The following ZNF804B variants were observed in gnomAD, a reference collection of about 807,000 sequenced individuals.
The protein encoded by ZNF804B is zinc finger 804B.
Under a neutral mutation model 101.4 loss-of-function variants are expected in ZNF804B, and 80 were observed. That is an observed-to-expected ratio of 0.79 (90% CI 0.66 to 0.95). The LOEUF is 0.95. ZNF804B is among the 40% of genes least tolerant of loss of function. ZNF804B has a pLI of 0.00. For missense variants in ZNF804B, 1,673 were observed against 1,561.9 expected (o/e 1.07, Z -1.20); for synonymous variants, 622 against 558.8 (o/e 1.11, Z -1.59).
At chr7:88,993,015 C>G (rs1438130215) in intron 1 of ZNF804B, among the ~76,000 whole-genome samples, 2 of 151,652 alleles carry the variant, frequency 1.3e-5, no homozygotes, top group Non-Finnish European at 2.9e-5. Context: ...ACAAAGATCA[C>G]ATATTTTATT....
intron 1 of ZNF804B, among the ~76,000 whole-genome samples, chr7:89,044,475 C>A (rs917748813): frequency 3.5e-4 from 53 of 152,234 alleles, no homozygotes; most frequent in African/African-American, 1.1e-3. Context: ...GGGTAACAGG[C>A]AGAGGTTGGA....
chr7:89,035,782 T>C (rs988430282), intron 1 of ZNF804B, among the ~76,000 whole-genome samples: 10 of 150,774 alleles, frequency 6.6e-5, no homozygotes, highest in Non-Finnish European at 1.5e-4. Flanking sequence ...AACATTCAAA[T>C]GTCATATTTT....
intron 1 of ZNF804B, among the ~76,000 whole-genome samples, chr7:88,835,383 T>C (rs1791198058): frequency 6.6e-6 from 1 of 151,848 alleles, no homozygotes; most frequent in South Asian, 2.1e-4. Flanking sequence ...AGAGATCTCA[T>C]TCTGTTGTTG....
intron 1 of ZNF804B, among the ~76,000 whole-genome samples, chr7:88,791,695 A>C (rs1009809167): frequency 1.3e-5 from 2 of 152,278 alleles, no homozygotes; most frequent in East Asian, 3.9e-4. Flanking sequence ...ACCAGTAGCT[A>C]TCCAATAAAT....
chr7:89,014,563 G>C lies in ZNF804B; in HGVS notation c.109-203592G>C, dbSNP rs530169697. ...GATCTCCTGACCTTGTGATCCACCC[G>C]CCTTGGCCTCCCAAAGTGCTGGGAT... On this transcript the variant is annotated intron_variant, in intron 1 of 3. Coordinates refer to ENST00000333190, the MANE Select transcript of ZNF804B (RefSeq NM_181646.5). 4.3e-4 allele frequency among the ~76,000 whole-genome samples: 65 copies of C among 152,260 alleles called. No homozygotes were observed. In the South Asian group the frequency reaches 0.013, roughly 31 times the overall value.
intron 2 of ZNF804B, among the ~76,000 whole-genome samples, chr7:89,220,200 A>C (rs1473362025): frequency 1.1e-5 from 1 of 93,064 alleles, no homozygotes; most frequent in Non-Finnish European, 2.4e-5. Flanking sequence ...TATCCTTGGG[A>C]AATGCCAGCC....
chr7:88,777,360 CCA>C (rs1790157863), intron 1 of ZNF804B, among the ~76,000 whole-genome samples: 1 of 152,172 alleles, frequency 6.6e-6, no homozygotes, highest in Admixed American at 6.5e-5. Context: ...TTCCACTCTC[CCA>C]CCAGTCCTTT....
At chr7:88,848,810 A>G (rs897986924) in intron 1 of ZNF804B, among the ~76,000 whole-genome samples, 4 of 152,216 alleles carry the variant, frequency 2.6e-5, no homozygotes, top group Admixed American at 6.5e-5. Flanking sequence ...GTGCTGAGCC[A>G]TGAGGCAGGA....
At chr7:88,786,447 C>T (rs1190490418) in intron 1 of ZNF804B, among the ~76,000 whole-genome samples, 1 of 151,848 alleles carries the variant, frequency 6.6e-6, no homozygotes, top group African/African-American at 2.4e-5. Flanking sequence ...TTTTTTTTCT[C>T]TTTACTGAAT....
intron 1 of ZNF804B, among the ~76,000 whole-genome samples, chr7:88,881,611 T>A (rs1210954236): frequency 1.3e-5 from 2 of 152,208 alleles, no homozygotes; most frequent in Non-Finnish European, 2.9e-5. Flanking sequence ...AGGCTACAGA[T>A]TCTTTCCTTA....
chr7:89,094,706 C>CA (rs1260096935), intron 1 of ZNF804B, among the ~76,000 whole-genome samples: 1 of 151,284 alleles, frequency 6.6e-6, no homozygotes. Context: ...TTTTTCAAAA[C>CA]AAAAATGATG....
At chr7:89,139,660 C>T (rs986384291) in intron 1 of ZNF804B, among the ~76,000 whole-genome samples, 1 of 152,162 alleles carries the variant, frequency 6.6e-6, no homozygotes, top group East Asian at 1.9e-4. Flanking sequence ...AAAAACACTC[C>T]TCATCCATTC....
intron 1 of ZNF804B, among the ~76,000 whole-genome samples, chr7:89,140,589 T>C (rs749808897): frequency 2.6e-5 from 4 of 152,110 alleles, no homozygotes; most frequent in African/African-American, 7.2e-5. Flanking sequence ...TTTTATGTTA[T>C]GTAGATGGCT....
intron 1 of ZNF804B, among the ~76,000 whole-genome samples, chr7:88,807,838 C>T (rs1453095103): frequency 2.6e-5 from 4 of 152,128 alleles, no homozygotes; most frequent in East Asian, 1.9e-4. Context: ...CCTTTCTGCC[C>T]TCAGGAAAGT....
intron 1 of ZNF804B, among the ~76,000 whole-genome samples, chr7:88,904,061 C>A (rs919075125): frequency 6.6e-6 from 1 of 152,102 alleles, no homozygotes; most frequent in Non-Finnish European, 1.5e-5. Flanking sequence ...CTTAGCTTTT[C>A]TTCTAGGATT....
intron 2 of ZNF804B, among the ~76,000 whole-genome samples, chr7:89,310,453 A>C (rs1790635248): frequency 6.6e-6 from 1 of 152,148 alleles, no homozygotes; most frequent in Non-Finnish European, 1.5e-5. Context: ...CCAGAGTCTA[A>C]TTTCATTAAT....
chr7:89,162,875 A>G (rs975341276), intron 1 of ZNF804B, among the ~76,000 whole-genome samples: 7 of 97,166 alleles, frequency 7.2e-5, no homozygotes, highest in South Asian at 8.0e-4. Flanking sequence ...TCATTGTTCA[A>G]TTCCCACCTA....
At chr7:89,213,584 A>C (rs1269890291) in intron 1 of ZNF804B, among the ~76,000 whole-genome samples, 1 of 152,216 alleles carries the variant, frequency 6.6e-6, no homozygotes, top group Non-Finnish European at 1.5e-5. Context: ...CATTTTTAAA[A>C]TTATAATTAG....
intron 1 of ZNF804B, among the ~76,000 whole-genome samples, chr7:89,107,373 T>C (rs1419703384): frequency 6.6e-6 from 1 of 152,136 alleles, no homozygotes; most frequent in East Asian, 1.9e-4. Flanking sequence ...TTTCCATATG[T>C]TTGAGATATC....
Sources: gnomAD v4.1 joint callset for allele counts (sites outside exome capture counted in the v4.1 genomes callset) on GRCh38, gnomAD v4.1.1 for gene constraint, MANE v1.5 for transcripts, NCBI Gene and HGNC (gene_info 2026-07-23, HGNC 2026-07-21) for gene names.